The following ARL13B variants were observed in gnomAD, a reference collection of about 807,000 sequenced individuals.
ARL13B encodes ARF like GTPase 13B.
In ARL13B, 36 loss-of-function variants were observed where a neutral mutation model predicts 56.1. The observed-to-expected ratio is 0.64, with a 90% CI of 0.49 to 0.85. ARL13B has a LOEUF of 0.85. ARL13B is among the 40% of genes least tolerant of loss of function. The pLI is 0.00. For synonymous variants in ARL13B, 178 were observed against 171.1 expected, an observed-to-expected ratio of 1.04 and a Z score of -0.32; for missense variants, 519 against 507.1, an observed-to-expected ratio of 1.02 and a Z score of -0.23.
In ARL13B at chr3:94,012,209, C is replaced by T. The variant is rs555604999; in HGVS notation, c.380+8301C>T. 2.6e-5 allele frequency among the ~76,000 whole-genome samples: 4 copies of T among 152,220 alleles called. No homozygotes were observed. The East Asian group carries it at 5.8e-4, about 22-fold the overall frequency. ...TACCACCTTACATAGCATTTATTTA[C>T]TAAAATGACCCAAATCTGTACTTCT... is the stretch of plus-strand genomic sequence containing the variant. On this transcript the variant is annotated intron_variant, in intron 3 of 9. Transcript: ENST00000394222.
At chr3:94,005,704 A>AT in intron 3 of ARL13B, among the ~76,000 whole-genome samples, 1 of 152,202 alleles carries the variant, frequency 6.6e-6, no homozygotes, top group Admixed American at 6.5e-5. Flanking sequence ...ATTTGACCAG[A>AT]TTTTCTCATG....
Position 94,043,027 on chromosome 3 carries a change from C to T in ARL13B, c.811C>T (p.Leu271Phe). 6.2e-7 allele frequency: 1 copy of T among 1,607,780 alleles called. No homozygotes were observed. The highest frequency in any genetic ancestry group is 8.5e-7 in the Non-Finnish European group (1 of 1,177,622). The change falls in exon 7 of 10, where the codon CTT becomes TTT. Residue 271 changes from leucine to phenylalanine, a missense_variant. Physicochemically the swap from Leu to Phe is conservative, Grantham distance 22 (BLOSUM62 0). Coordinates refer to ENST00000394222, the MANE Select transcript of ARL13B (RefSeq NM_001174150.2). ...TATTTTTTGTTAGAATGAAGGAAAA[C>T]TTGAAAGAGAGAAAAAAAACCAAAA... ...ASVIIENEGK[L>F]EREKKNQKME...
chr3:94,015,081 A>C (rs2076302058), intron 3 of ARL13B: 1 of 1,613,844 alleles, frequency 6.2e-7, no homozygotes, highest in Non-Finnish European at 8.5e-7. Context: ...TATCTGCCAA[A>C]TTGTTAATAC....
At chr3:94,036,843 TTTC>T (rs1431069533) in intron 5 of ARL13B, 89 bp downstream of exon 5, 35 of 1,413,220 alleles carry the variant, frequency 2.5e-5, no homozygotes, top group Non-Finnish European at 3.0e-5. Context: ...ATCTGTTCAG[TTTC>T]TTCTTTCTGT....
intron 3 of ARL13B, among the ~76,000 whole-genome samples, chr3:94,023,776 A>C (rs1320338576): frequency 6.6e-6 from 1 of 152,146 alleles, no homozygotes; most frequent in Non-Finnish European, 1.5e-5. Flanking sequence ...ATGTTTATCT[A>C]TATCAAATAC....
chr3:94,029,318 A>G (rs1374058509), intron 3 of ARL13B, among the ~76,000 whole-genome samples: 13 of 96,912 alleles, frequency 1.3e-4, no homozygotes, highest in Admixed American at 1.3e-3. Context: ...ATATATATAT[A>G]TATATATATA....
chr3:94,051,621 G>T (rs936628113), intron 9 of ARL13B, among the ~76,000 whole-genome samples: 26 of 151,986 alleles, frequency 1.7e-4, no homozygotes, highest in Admixed American at 1.5e-3. Flanking sequence ...TTTCTAGAAT[G>T]CAAAAGAATT....
intron 8 of ARL13B, 91 bp from the exon 9 acceptor site, chr3:94,050,733 C>T (rs752943331): frequency 1.9e-6 from 2 of 1,044,392 alleles, no homozygotes; most frequent in African/African-American, 1.6e-5. Context: ...TTGAATGTTA[C>T]ATATGCTTCC....
At chr3:93,984,827 T>C (rs1018843234) in intron 1 of ARL13B, among the ~76,000 whole-genome samples, 6 of 152,056 alleles carry the variant, frequency 3.9e-5, no homozygotes, top group African/African-American at 1.4e-4. Context: ...GGCAATATAG[T>C]GAGACCCCAT....
chr3:94,045,639 A>G (rs1243519976), intron 7 of ARL13B, among the ~76,000 whole-genome samples: 1 of 152,046 alleles, frequency 6.6e-6, no homozygotes, highest in Non-Finnish European at 1.5e-5. Context: ...GATCAAGGTT[A>G]AAGACTCATA....
rs1354341719 is a variant in ARL13B, at chr3:94,035,315, TTTAA to T, written c.381-12_381-9del. 10 of 1,532,088 alleles carry T rather than the reference TTTAA, an allele frequency of 6.5e-6. No individual in the cohort carries two copies. The highest frequency in any genetic ancestry group is 1.7e-4 in the Middle Eastern group (1 of 5,898). The allele number at this position is 1,532,088 out of a possible 1,614,324, so 94.9% of individuals were successfully genotyped here. On this transcript the variant is annotated splice_polypyrimidine_tract_variant and intron_variant, in intron 3 of 9. Transcript: ENST00000394222. ...TTATATATATGCTGTATAAAAGTAC[TTTAA>T]TTATCTTTCAGGTTGGCAAATAAAC...
chr3:93,995,829 C>T, intron 1 of ARL13B, 45 bp from the exon 2 acceptor site: 1 of 1,527,874 alleles, frequency 6.5e-7, no homozygotes, highest in Non-Finnish European at 9.0e-7. Flanking sequence ...TTCCTCAATA[C>T]TAAATTAACA....
intron 3 of ARL13B, among the ~76,000 whole-genome samples, chr3:94,017,243 T>A (rs896650877): frequency 3.3e-5 from 5 of 152,180 alleles, no homozygotes; most frequent in Non-Finnish European, 7.3e-5. Context: ...AGCTGTCTTC[T>A]AAACAAAGGT....
chr3:94,051,913 T>G (rs2077073285), intron 9 of ARL13B, among the ~76,000 whole-genome samples: 1 of 152,130 alleles, frequency 6.6e-6, no homozygotes, highest in South Asian at 2.1e-4. Context: ...TAGTGAAAAT[T>G]CATGAATTTT....
chr3:94,042,734 A>G (rs539880797), intron 6 of ARL13B, among the ~76,000 whole-genome samples: 2 of 152,310 alleles, frequency 1.3e-5, no homozygotes, highest in East Asian at 3.9e-4. Flanking sequence ...GTGATTATAT[A>G]CTGAACAGAT....
At chr3:94,050,929 A>G (rs1251651684) in intron 9 of ARL13B, 37 bp downstream of exon 9, 3 of 1,575,500 alleles carry the variant, frequency 1.9e-6, no homozygotes, top group Middle Eastern at 1.7e-4. Flanking sequence ...TATCATCTGT[A>G]CATGTCACAT....
At chr3:94,027,261 T>A (rs1393544328) in intron 3 of ARL13B, among the ~76,000 whole-genome samples, 1 of 152,102 alleles carries the variant, frequency 6.6e-6, no homozygotes, top group African/African-American at 2.4e-5. Context: ...CCTCTTTGGC[T>A]ACTAAAGTGA....
chr3:93,980,363 G>A lies in ARL13B; in HGVS notation c.-61G>A. On this transcript the variant is annotated 5_prime_UTR_variant, in exon 1 of 10. Coordinates refer to ENST00000394222, the MANE Select transcript of ARL13B (RefSeq NM_001174150.2). ...CGGAGTGCCGGAGGCCCCCGGGGAA[G>A]AGCGGGGTGCCGGTGTCCGCTCCGG... 6.2e-7 allele frequency: 1 copy of A among 1,600,606 alleles called. No homozygotes were observed. The highest frequency in any genetic ancestry group is 8.5e-7 in the Non-Finnish European group (1 of 1,174,966).
chr3:93,984,684 A>G (rs1391890455), intron 1 of ARL13B, among the ~76,000 whole-genome samples: 2 of 152,182 alleles, frequency 1.3e-5, no homozygotes, highest in Non-Finnish European at 2.9e-5. Context: ...TCCATTTGTT[A>G]TATTTTCAAC....
Sources: gnomAD v4.1 joint callset for allele counts (sites outside exome capture counted in the v4.1 genomes callset) on GRCh38, gnomAD v4.1.1 for gene constraint, MANE v1.5 for transcripts, NCBI Gene and HGNC (gene_info 2026-07-23, HGNC 2026-07-21) for gene names.